The following SACS variants were observed in gnomAD, a reference collection of about 807,000 sequenced individuals.
SACS encodes the protein sacsin molecular chaperone.
SACS carries 197 observed loss-of-function variants against 348.0 expected under a neutral mutation model. That is an observed-to-expected ratio of 0.57 (90% confidence interval 0.50 to 0.64). SACS has a LOEUF of 0.64. SACS is among the 30% of genes least tolerant of loss of function. The probability of loss-of-function intolerance (pLI) is 0.00; values close to 1 mark genes in which losing one functional copy is unlikely to be tolerated. For missense variants in SACS, 4,999 were observed against 5,360.8 expected (o/e 0.93, Z 2.11); for synonymous variants, 1,985 against 1,910.6 (o/e 1.04, Z -1.02).
chr13:23,330,722 G>A lies in SACS; in HGVS notation c.13154C>T (p.Ser4385Phe). 5.0e-6 allele frequency: 8 copies of A among 1,614,074 alleles called. No homozygotes were observed. The highest frequency in any genetic ancestry group is 6.8e-6 in the Non-Finnish European group (8 of 1,179,950). Residue 4385 changes from serine (S) to phenylalanine (F), a missense_variant, in exon 10 of 10, where the codon TCC becomes TTC. By Grantham distance (155) the Ser-to-Phe change is radical (BLOSUM62 -2). This residue lies in a region of SACS where 254 missense variants were observed against 275.1 expected (regional missense o/e 0.92). Transcript: ENST00000382292. ...TGAGTATTTGTCTGACTGAAATCGG[G>A]ATGCTGAGGTTGAAAATGTTCGTCT... is the stretch of plus-strand genomic sequence containing the variant. ...ASRRTFSTSA[S>F]RFQSDKYSFQ...
At chr13:23,421,382 C>T (rs1031561570) in intron 1 of SACS, among the ~76,000 whole-genome samples, 6 of 151,928 alleles carry the variant, frequency 3.9e-5, no homozygotes. Context: ...TGGAGTGTGC[C>T]GTCCCATGAG....
intron 2 of SACS, among the ~76,000 whole-genome samples, chr13:23,407,343 C>T (rs938381420): frequency 2.4e-4 from 37 of 152,266 alleles, no homozygotes; most frequent in African/African-American, 8.4e-4. Flanking sequence ...GGACTACAGG[C>T]GCCTGCCACC....
rs748517510 is a variant in SACS, at chr13:23,334,685, T to C, written c.9191A>G (p.Glu3064Gly). The change falls in exon 10 of 10, where the codon GAA becomes GGA. Residue 3064 changes from glutamate to glycine, a missense_variant. Transcript: ENST00000382292. Reference protein sequence around the residue: ...NVYRLKHLLLEIGFNLVYNCD... With the variant: ...NVYRLKHLLLGIGFNLVYNCD... ...GTTATAAACCAAGTTGAAACCAATT[T>C]CTAAAAGGAGATGTTTCAGCCTATA... 1.9e-6 allele frequency: 3 copies of C among 1,613,642 alleles called. No homozygotes were observed. Among genetic ancestry groups the C allele is most frequent in the Admixed American group, 3.3e-5 (2 of 59,984 alleles).
chr13:23,391,683 G>A (rs1872530767), intron 2 of SACS, among the ~76,000 whole-genome samples: 1 of 152,102 alleles, frequency 6.6e-6, no homozygotes, highest in African/African-American at 2.4e-5. Context: ...TCATGGTTCC[G>A]TTTCCCCCTT....
intron 7 of SACS, among the ~76,000 whole-genome samples, chr13:23,357,753 T>C (rs199551850): frequency 2.1e-3 from 9 of 4,346 alleles, no homozygotes; most frequent in Admixed American, 0.019. Context: ...TTTCCTATTG[T>C]TAACTAGGAA....
At chr13:23,425,812 G>A (rs1311050426) in intron 1 of SACS, among the ~76,000 whole-genome samples, 6 of 152,138 alleles carry the variant, frequency 3.9e-5, no homozygotes, top group Non-Finnish European at 8.8e-5. Flanking sequence ...GAGTGGGCTC[G>A]TGCCTATGAG....
rs61753111 is a variant in SACS, at chr13:23,334,030, T to C, written c.9846A>G (p.Pro3282=). The C allele has an allele frequency of 3.8e-3, 6,163 of 1,613,892 alleles. 19 individuals are homozygous for C. The highest frequency in any genetic ancestry group is 4.5e-3 in the Non-Finnish European group (5,319 of 1,179,852). ...VDTLKDWALL[P]GTKFTVSANQ... ...TGGCTGAAACAGTAAACTTTGTTCC[T>C]GGAAGCAATGCCCAGTCTTTTAGAG... Residue 3282 remains proline, a synonymous_variant, in exon 10 of 10, where the codon CCA becomes CCG. Coordinates refer to ENST00000382292, the MANE Select transcript of SACS (RefSeq NM_014363.6).
At position 23,330,840 on chromosome 13, in the gene SACS, C is replaced by T. The variant is rs372359781; in HGVS notation, c.13036G>A (p.Asp4346Asn). Reference sequence around the variant, plus strand: ...TGTTTAAAAACTTCATTGGCAATGTCATGGTTCTCTGGATTTTTGTCAGGA... The same window carrying T: ...TGTTTAAAAACTTCATTGGCAATGTTATGGTTCTCTGGATTTTTGTCAGGA... ...WHPDKNPENHDIANEVFKHLQ... is the reference protein window; with the variant it reads ...WHPDKNPENHNIANEVFKHLQ... The change falls in exon 10 of 10, where the codon GAC (aspartate) becomes AAC (asparagine). Residue 4346 changes from aspartate (D) to asparagine (N), a missense_variant. Transcript: ENST00000382292. The T allele has an allele frequency of 2.1e-4, 341 of 1,613,958 alleles. No homozygotes were observed. Among genetic ancestry groups the T allele is most frequent in the Non-Finnish European group, 2.7e-4 (314 of 1,180,000 alleles).
At chr13:23,422,652 T>A (rs898905667) in intron 1 of SACS, among the ~76,000 whole-genome samples, 1 of 126,962 alleles carries the variant, frequency 7.9e-6, no homozygotes, top group South Asian at 3.0e-4. Flanking sequence ...TGCTTTGTGA[T>A]GTGGTGTTTC....
At chr13:23,387,463 GAAAA>G (rs60355580) in intron 2 of SACS, among the ~76,000 whole-genome samples, 2 of 91,364 alleles carry the variant, frequency 2.2e-5, no homozygotes, top group South Asian at 4.0e-4. Context: ...CTCCGTCTCA[GAAAA>G]AAAAAAAAAA....
intron 6 of SACS, among the ~76,000 whole-genome samples, chr13:23,362,827 C>G (rs1470726773): frequency 6.6e-6 from 1 of 152,050 alleles, no homozygotes; most frequent in African/African-American, 2.4e-5. Flanking sequence ...CTCAGGTGAT[C>G]CACCTGCCTC....
At chr13:23,404,584 A>T (rs2137939256) in intron 2 of SACS, among the ~76,000 whole-genome samples, 1 of 152,338 alleles carries the variant, frequency 6.6e-6, no homozygotes, top group East Asian at 1.9e-4. Context: ...GCAATCAGGC[A>T]AGAGAAAGAA....
Position 23,334,475 on chromosome 13 carries a change from A to C in SACS, c.9401T>G (p.Leu3134Arg). 6.2e-7 allele frequency: 1 copy of C among 1,612,868 alleles called. No homozygotes were observed. Among genetic ancestry groups the C allele is most frequent in the Non-Finnish European group, 8.5e-7 (1 of 1,179,740 alleles). ...ATCTTTAAAACAATAATCAACTAAA[A>C]GTTTTAAACTATGAAAAAGTTTTAG... ...TNLKLFHSLK[L>R]LVDYCFKDAE... Residue 3134 changes from leucine to arginine, a missense_variant, in exon 10 of 10, where the codon CTT becomes CGT. Coordinates refer to ENST00000382292, the MANE Select transcript of SACS (RefSeq NM_014363.6).
Position 23,335,003 on chromosome 13 carries a change from T to A in SACS, c.8873A>T (p.Lys2958Met), listed in dbSNP as rs11839380. The stretch of plus-strand genomic sequence containing the variant: ...GTTAACTGGGAAAAACGATAAAAAC[T>A]TCTTTAAAGTGTCCTTTACAACATG... Reference protein sequence around the residue: ...PIHVVKDTLKKFLSFFPVNRL... With the variant: ...PIHVVKDTLKMFLSFFPVNRL... The change falls in exon 10 of 10, where the codon AAG (lysine) becomes ATG (methionine). Residue 2958 changes from lysine to methionine, a missense_variant. Transcript: ENST00000382292. The surrounding 1 kb of genome is among the most constrained non-coding windows in gnomAD (Gnocchi z 4.7). The A allele has an allele frequency of 2.5e-6, 4 of 1,613,686 alleles. No homozygotes were observed. Among genetic ancestry groups the A allele is most frequent in the Non-Finnish European group, 3.4e-6 (4 of 1,179,782 alleles).
intron 9 of SACS, among the ~76,000 whole-genome samples, chr13:23,343,687 AAAAT>A (rs1425422884): frequency 6.6e-6 from 1 of 152,200 alleles, no homozygotes; most frequent in Non-Finnish European, 1.5e-5. Context: ...CCGTCTCAAA[AAAAT>A]AAATAAATAA....
chr13:23,374,761 G>C (rs996491199), intron 3 of SACS, among the ~76,000 whole-genome samples: 2 of 151,934 alleles, frequency 1.3e-5, no homozygotes, highest in Non-Finnish European at 2.9e-5. Flanking sequence ...CAAAGGTGAA[G>C]ATATTTACCA....
Position 23,332,217 on chromosome 13 carries a change from TC to T in SACS, c.11658del (p.Ser3887ValfsTer9), listed in dbSNP as rs1257569534. The T allele has an allele frequency of 6.2e-7, 1 of 1,614,010 alleles. No individual in the cohort carries two copies. ...TVKRVVSGLF[R>X]SLQNDSVKVR... is the part of the protein sequence containing the mutation. ...ACCTTGACTGAATCATTCTGTAGAC[TC>T]CTGAACAGACCAGAAACTACTCTCT... On this transcript the variant is annotated frameshift_variant, in exon 10 of 10. Transcript: ENST00000382292. LOFTEE classifies it high-confidence loss of function.
chr13:23,421,970 T>C (rs1390455899), intron 1 of SACS, among the ~76,000 whole-genome samples: 2 of 152,094 alleles, frequency 1.3e-5, no homozygotes, highest in African/African-American at 2.4e-5. Context: ...ATGCCTGATA[T>C]CCATCTGGGG....
chr13:23,359,133 G>T (rs1870575858), intron 6 of SACS, among the ~76,000 whole-genome samples: 1 of 152,052 alleles, frequency 6.6e-6, no homozygotes, highest in African/African-American at 2.4e-5. Flanking sequence ...AGTGAGCCGA[G>T]ATCGCGCCAC....
Sources: gnomAD v4.1 joint callset for allele counts (sites outside exome capture counted in the v4.1 genomes callset) on GRCh38, gnomAD v4.1.1 for gene constraint, gnomAD v4.1.1 regional missense constraint, Gnocchi (gnomAD v3.1) non-coding constraint, MANE v1.5 for transcripts, NCBI Gene and HGNC (gene_info 2026-07-23, HGNC 2026-07-21) for gene names.